NHEJ1: variants seen among roughly 807,000 people sequenced by gnomAD.
The protein encoded by NHEJ1 is non-homologous end joining factor 1, also known as non-homologous end-joining factor 1.
Under a neutral mutation model 39.4 loss-of-function variants are expected in NHEJ1, and 22 were observed. The ratio of observed to expected loss-of-function variants is 0.56; its 90% CI spans 0.40 to 0.80. The LOEUF is 0.80. Ranked by LOEUF, NHEJ1 falls within the 30% of genes least tolerant of loss-of-function variation. The pLI is 0.00. For missense variants in NHEJ1, 329 were observed against 357.1 expected, an observed-to-expected ratio of 0.92 and a Z score of 0.63; for synonymous variants, 154 against 135.6, an observed-to-expected ratio of 1.14 and a Z score of -0.94.
intron 5 of NHEJ1, among the ~76,000 whole-genome samples, chr2:219,141,318 T>C (rs1264918529): frequency 6.6e-6 from 1 of 150,670 alleles, no homozygotes; most frequent in Non-Finnish European, 1.5e-5. Flanking sequence ...AGGCAGAGGT[T>C]ACAGTGAGCC....
rs371463598 is a variant in NHEJ1, at chr2:219,157,690, G to C, written c.178-6C>G. 11 of 1,611,116 alleles carry C rather than the reference G, an allele frequency of 6.8e-6. No homozygotes were observed. The highest frequency in any genetic ancestry group is 1.6e-4 in the Middle Eastern group (1 of 6,082). Reference sequence around the variant, plus strand: ...GTGAGCCGCTTGTTCAGCTCCTAAAGAGAGAGCAGTGGTACAGAGTAAGGG... The same window carrying C: ...GTGAGCCGCTTGTTCAGCTCCTAAACAGAGAGCAGTGGTACAGAGTAAGGG... On this transcript the variant is annotated splice_polypyrimidine_tract_variant and splice_region_variant and intron_variant, in intron 2 of 7. Transcript: ENST00000356853.
At chr2:219,131,163 T>G (rs1419160537) in intron 5 of NHEJ1, among the ~76,000 whole-genome samples, 1 of 152,142 alleles carries the variant, frequency 6.6e-6, no homozygotes, top group Non-Finnish European at 1.5e-5. Context: ...CAGCATTCAG[T>G]GTTTTTGATA....
chr2:219,106,235 A>T (rs556906006), intron 5 of NHEJ1, among the ~76,000 whole-genome samples: 1 of 152,170 alleles, frequency 6.6e-6, no homozygotes, highest in African/African-American at 2.4e-5. Context: ...GCCCAATGTC[A>T]GGCACCCTGG....
chr2:219,156,035 G>A (rs1949851788), intron 3 of NHEJ1, among the ~76,000 whole-genome samples: 2 of 151,848 alleles, frequency 1.3e-5, no homozygotes, highest in Admixed American at 1.3e-4. Flanking sequence ...GGATCACGAG[G>A]TCAGGAGATC....
At chr2:219,101,098 T>C (rs77583422) in intron 5 of NHEJ1, among the ~76,000 whole-genome samples, 3,731 of 152,286 alleles carry the variant, frequency 0.025, 154 homozygotes, top group African/African-American at 0.084. Context: ...GTATCATGGC[T>C]ATCTTTTCAA....
chr2:219,137,435 T>G (rs1454428668), intron 5 of NHEJ1, among the ~76,000 whole-genome samples: 2 of 152,010 alleles, frequency 1.3e-5, no homozygotes, highest in Non-Finnish European at 2.9e-5. Context: ...TCCCACTATC[T>G]GCAACAGTAA....
At position 219,075,007 on chromosome 2, in the gene NHEJ1, T is replaced by C. The variant is rs527747844; in HGVS notation, c.*1374A>G. ...GAGCCCCTGGGGAGCAGACATCCTA[T>C]TGAAAAGAGGCAAGGTCATGGGATA... On this transcript the variant is annotated 3_prime_UTR_variant, in exon 8 of 8. Coordinates refer to ENST00000356853, the MANE Select transcript of NHEJ1 (RefSeq NM_024782.3). Among the ~76,000 whole-genome samples the C allele has an allele frequency of 3.3e-5, 5 of 152,258 alleles. No homozygotes were observed. Among genetic ancestry groups the C allele is most frequent in the East Asian group, 1.9e-4 (1 of 5,178 alleles).
chr2:219,151,214 A>G (rs533404388), intron 3 of NHEJ1, among the ~76,000 whole-genome samples: 1 of 152,194 alleles, frequency 6.6e-6, no homozygotes, highest in South Asian at 2.1e-4. Context: ...ATGACAGTGA[A>G]TATTTGATGA....
At chr2:219,155,838 T>C (rs1949849198) in intron 3 of NHEJ1, among the ~76,000 whole-genome samples, 1 of 150,970 alleles carries the variant, frequency 6.6e-6, no homozygotes, top group Non-Finnish European at 1.5e-5. Context: ...GGCAGGAGAA[T>C]GGCATGAACC....
chr2:219,142,578 A>T (rs1238953171), intron 5 of NHEJ1, among the ~76,000 whole-genome samples: 2 of 152,232 alleles, frequency 1.3e-5, no homozygotes, highest in Admixed American at 1.3e-4. Context: ...CCTGATGGCA[A>T]CCAGATGGAG....
intron 3 of NHEJ1, among the ~76,000 whole-genome samples, chr2:219,150,373 G>C (rs887745443): frequency 9.2e-5 from 14 of 152,292 alleles, no homozygotes; most frequent in Non-Finnish European, 1.8e-4. Context: ...CTACCACACA[G>C]CACATCCCAA....
At chr2:219,117,202 G>A (rs1464869639) in intron 5 of NHEJ1, among the ~76,000 whole-genome samples, 1 of 152,114 alleles carries the variant, frequency 6.6e-6, no homozygotes, top group Non-Finnish European at 1.5e-5. Flanking sequence ...CCTGGCCCAG[G>A]CTCCTGCCAC....
intron 3 of NHEJ1, among the ~76,000 whole-genome samples, chr2:219,151,571 T>C (rs1232194554): frequency 1.3e-5 from 2 of 152,254 alleles, no homozygotes; most frequent in South Asian, 2.1e-4. Flanking sequence ...TTTTGAATTA[T>C]TGAGGTATAA....
At chr2:219,152,789 T>TTTTTTTTATTTATTTATTTA (rs1553548971) in intron 3 of NHEJ1, among the ~76,000 whole-genome samples, 48 of 87,778 alleles carry the variant, frequency 5.5e-4, no homozygotes, top group South Asian at 3.4e-3. Context: ...ATTTATTTAT[T>TTTTTTTTATTTATTTATTTA]TTTATTTATT....
chr2:219,088,021 G>C (rs551715571), intron 5 of NHEJ1, among the ~76,000 whole-genome samples: 2 of 151,982 alleles, frequency 1.3e-5, no homozygotes, highest in Non-Finnish European at 2.9e-5. Context: ...AACCACAACC[G>C]GATATCTCTA....
At chr2:219,115,234 C>T (rs906630283) in intron 5 of NHEJ1, among the ~76,000 whole-genome samples, 1 of 151,976 alleles carries the variant, frequency 6.6e-6, no homozygotes, top group Non-Finnish European at 1.5e-5. Context: ...TGTTTTTCCA[C>T]CAGTGGAACT....
At chr2:219,100,763 A>G (rs980873621) in intron 5 of NHEJ1, among the ~76,000 whole-genome samples, 7 of 152,336 alleles carry the variant, frequency 4.6e-5, no homozygotes, top group Non-Finnish European at 1.0e-4. Context: ...AGTAATCTGG[A>G]CCCACGAAGC....
intron 5 of NHEJ1, among the ~76,000 whole-genome samples, chr2:219,121,206 A>T (rs541962649): frequency 7.2e-6 from 1 of 138,040 alleles, no homozygotes; most frequent in East Asian, 2.0e-4. Context: ...AACTCTGTCT[A>T]AAAAAAAAAA....
At chr2:219,106,974 G>A (rs1259601816) in intron 5 of NHEJ1, among the ~76,000 whole-genome samples, 2 of 152,152 alleles carry the variant, frequency 1.3e-5, no homozygotes, top group Non-Finnish European at 2.9e-5. Context: ...ACTCCAAGTC[G>A]GCCTACCTGC....
Sources: allele counts gnomAD v4.1 joint callset (sites outside exome capture counted in the v4.1 genomes callset), GRCh38; gene constraint gnomAD v4.1.1; transcripts MANE v1.5; gene names NCBI Gene and HGNC (gene_info 2026-07-23, HGNC 2026-07-21).